Variants in CSMD1 observed in about 807,000 individuals in gnomAD.
CSMD1 encodes CUB and Sushi multiple domains 1.
Under a neutral mutation model 417.5 loss-of-function variants are expected in CSMD1, and 213 were observed. The ratio of observed to expected loss-of-function variants is 0.51; its 90% CI spans 0.46 to 0.57. The LOEUF (loss-of-function observed/expected upper bound fraction) is 0.57. Among genes scored for constraint, CSMD1 ranks in the 20% least tolerant of loss-of-function variants. The pLI is 0.00. For synonymous variants in CSMD1, 2,862 were observed against 1,736.8 expected (o/e 1.65, Z -16.11); for missense variants, 6,923 against 4,529.7 (o/e 1.53, Z -15.17).
intron 1 of CSMD1, among the ~76,000 whole-genome samples, chr8:4,650,912 A>G (rs865810688): frequency 6.6e-6 from 1 of 152,214 alleles, no homozygotes; most frequent in Non-Finnish European, 1.5e-5. Context: ...GGATAATACT[A>G]TTCTTATTTG....
chr8:4,089,935 GTAT>G (rs1257413172), intron 3 of CSMD1, among the ~76,000 whole-genome samples: 1 of 152,118 alleles, frequency 6.6e-6, no homozygotes, highest in African/African-American at 2.4e-5. Context: ...AATATTACAT[GTAT>G]TATTGTTGAA....
intron 3 of CSMD1, among the ~76,000 whole-genome samples, chr8:4,406,339 A>G (rs144436878): frequency 1.3e-3 from 205 of 152,270 alleles, no homozygotes; most frequent in African/African-American, 4.5e-3. Context: ...CACACTCAAA[A>G]TGACAGAATT....
At chr8:3,528,840 A>C (rs2117496232) in intron 10 of CSMD1, among the ~76,000 whole-genome samples, 1 of 152,348 alleles carries the variant, frequency 6.6e-6, no homozygotes, top group South Asian at 2.1e-4. Flanking sequence ...TTTAAACATA[A>C]GAATGCCAAC....
intron 21 of CSMD1, 109 bp from the exon 22 acceptor site, chr8:3,348,270 G>C (rs264309): frequency 0.96 from 733,016 of 761,942 alleles, 353,287 homozygotes; most frequent in South Asian, 0.99. Context: ...CAACGTATGT[G>C]TGTTAGTAAT....
At chr8:3,168,486 G>A (rs1338633987) in intron 37 of CSMD1, among the ~76,000 whole-genome samples, 1 of 152,120 alleles carries the variant, frequency 6.6e-6, no homozygotes, top group Non-Finnish European at 1.5e-5. Flanking sequence ...GGGGAAGAAA[G>A]AAATCAAGTC....
intron 3 of CSMD1, among the ~76,000 whole-genome samples, chr8:4,314,090 A>G (rs906357732): frequency 6.6e-6 from 1 of 151,838 alleles, no homozygotes; most frequent in Non-Finnish European, 1.5e-5. Flanking sequence ...TGTCCTGGAG[A>G]TGGGGGATTC....
At chr8:3,495,752 G>C (rs1796337820) in intron 10 of CSMD1, among the ~76,000 whole-genome samples, 1 of 152,136 alleles carries the variant, frequency 6.6e-6, no homozygotes. Context: ...GAAGACAAAA[G>C]GATAATACAT....
chr8:3,011,594 C>T (rs933863330), intron 52 of CSMD1, among the ~76,000 whole-genome samples: 1 of 151,894 alleles, frequency 6.6e-6, no homozygotes, highest in South Asian at 2.1e-4. Flanking sequence ...GTTATAATAG[C>T]GCAATAAATG....
intron 7 of CSMD1, among the ~76,000 whole-genome samples, chr8:3,658,737 C>T (rs982039902): frequency 2.0e-5 from 3 of 152,010 alleles, no homozygotes; most frequent in African/African-American, 7.2e-5. Flanking sequence ...GAGCCAAGAT[C>T]GTGCCACTGA....
intron 1 of CSMD1, chr8:4,788,674 A>G: frequency 1.7e-6 from 1 of 588,028 alleles, no homozygotes; most frequent in Non-Finnish European, 3.0e-6. Flanking sequence ...AAAGGTAATT[A>G]TAAATTAGAG....
At chr8:3,406,574 C>T (rs1038204090) in intron 14 of CSMD1, among the ~76,000 whole-genome samples, 3 of 152,064 alleles carry the variant, frequency 2.0e-5, no homozygotes, top group Non-Finnish European at 2.9e-5. Flanking sequence ...TTTTTTCTTA[C>T]TATGTCAGAG....
chr8:3,767,226 A>G (rs1262674056), intron 5 of CSMD1, among the ~76,000 whole-genome samples: 1 of 152,214 alleles, frequency 6.6e-6, no homozygotes, highest in Non-Finnish European at 1.5e-5. Flanking sequence ...CTCTGGACTG[A>G]GGCCAAAGAG....
chr8:4,154,792 G>C (rs1796746122), intron 3 of CSMD1, among the ~76,000 whole-genome samples: 1 of 152,022 alleles, frequency 6.6e-6, no homozygotes, highest in Non-Finnish European at 1.5e-5. Context: ...GAGAAAATAA[G>C]AGAAAGACTG....
intron 3 of CSMD1, among the ~76,000 whole-genome samples, chr8:4,326,830 TG>T (rs889717101): frequency 1.4e-5 from 2 of 146,220 alleles, no homozygotes; most frequent in African/African-American, 5.2e-5. Context: ...GAGATTCTTC[TG>T]AAAAAAAAAG....
At chr8:3,470,895 T>G (rs1332968674) in intron 11 of CSMD1, among the ~76,000 whole-genome samples, 1 of 152,222 alleles carries the variant, frequency 6.6e-6, no homozygotes, top group East Asian at 1.9e-4. Flanking sequence ...GTTGTGGATA[T>G]ACCACAGCTT....
intron 2 of CSMD1, among the ~76,000 whole-genome samples, chr8:4,516,233 C>A (rs1159432730): frequency 4.6e-5 from 7 of 152,008 alleles, no homozygotes; most frequent in African/African-American, 1.7e-4. Flanking sequence ...ACGTGAGGAC[C>A]CAGAGAGAAG....
At chr8:4,465,652 A>G (rs1363589773) in intron 2 of CSMD1, among the ~76,000 whole-genome samples, 1 of 152,186 alleles carries the variant, frequency 6.6e-6, no homozygotes, top group Non-Finnish European at 1.5e-5. Context: ...TCCAAATCCC[A>G]AGTACTGGAG....
intron 3 of CSMD1, among the ~76,000 whole-genome samples, chr8:4,155,465 T>C (rs1420106047): frequency 6.6e-6 from 1 of 152,186 alleles, no homozygotes; most frequent in Admixed American, 6.5e-5. Flanking sequence ...ATATGGTAAG[T>C]ATGTGTTTCC....
At chr8:4,374,444 C>CT (rs1407367958) in intron 3 of CSMD1, among the ~76,000 whole-genome samples, 2 of 152,122 alleles carry the variant, frequency 1.3e-5, no homozygotes, top group Non-Finnish European at 2.9e-5. Flanking sequence ...AGGAATGGAA[C>CT]TTTATCTGTC....
Sources: allele counts gnomAD v4.1 joint callset (sites outside exome capture counted in the v4.1 genomes callset), GRCh38; gene constraint gnomAD v4.1.1; transcripts MANE v1.5; gene names NCBI Gene and HGNC (gene_info 2026-07-23, HGNC 2026-07-21).